Variants in WDR82 observed in about 807,000 individuals in gnomAD.
WDR82 encodes the protein WD repeat-containing protein 82.
In WDR82, 8 loss-of-function variants were observed where a neutral mutation model predicts 36.1. That is an observed-to-expected ratio of 0.22 (90% CI 0.13 to 0.40). WDR82 has a LOEUF of 0.40. Ranked by LOEUF, WDR82 falls within the 10% of genes least tolerant of loss-of-function variation. WDR82 has a pLI of 1.00. For synonymous variants in WDR82, 129 were observed against 137.8 expected (o/e 0.94, Z 0.45); for missense variants, 185 against 400.5 (o/e 0.46, Z 4.59).
At chr3:52,274,758 CA>C in intron 1 of WDR82, among the ~76,000 whole-genome samples, 1 of 152,134 alleles carries the variant, frequency 6.6e-6, no homozygotes, top group Admixed American at 6.5e-5. Flanking sequence ...CAAAAATTAG[CA>C]GGCACACTGA....
At chr3:52,274,228 C>A (rs1700180337) in intron 1 of WDR82, among the ~76,000 whole-genome samples, 1 of 152,140 alleles carries the variant, frequency 6.6e-6, no homozygotes, top group African/African-American at 2.4e-5. Context: ...TTGCTTTAGC[C>A]ATTTTCAAAC....
intron 1 of WDR82, among the ~76,000 whole-genome samples, chr3:52,274,832 C>T (rs1559456766): frequency 2.0e-5 from 3 of 150,946 alleles, no homozygotes; most frequent in South Asian, 4.2e-4. Flanking sequence ...AATCCAGCAG[C>T]GAGGTTGCAG....
At chr3:52,259,169 C>A (rs914473139) in intron 7 of WDR82, 28 bp downstream of exon 7, 22 of 1,594,616 alleles carry the variant, frequency 1.4e-5, no homozygotes, top group Non-Finnish European at 1.9e-5. Flanking sequence ...AGAGAAATAA[C>A]CCCCACAGGG....
chr3:52,257,963 A>G (rs1255311129), intron 8 of WDR82, among the ~76,000 whole-genome samples: 3 of 152,076 alleles, frequency 2.0e-5, no homozygotes, highest in South Asian at 2.1e-4. Flanking sequence ...CAAGGTGGCA[A>G]TGTGCTCCGG....
chr3:52,277,916 A>AAT (rs1221920068), intron 1 of WDR82, among the ~76,000 whole-genome samples: 1 of 152,234 alleles, frequency 6.6e-6, no homozygotes, highest in Non-Finnish European at 1.5e-5. Flanking sequence ...CCGGGCGTTT[A>AAT]AAGGTCAAGG....
At chr3:52,269,004 G>C (rs943392824) in intron 2 of WDR82, among the ~76,000 whole-genome samples, 1 of 152,000 alleles carries the variant, frequency 6.6e-6, no homozygotes, top group Non-Finnish European at 1.5e-5. Flanking sequence ...TTGTAGAGAC[G>C]GGGTTTTCCC....
chr3:52,259,766 A>G lies in WDR82; in HGVS notation c.650T>C (p.Phe217Ser). Residue 217 changes from phenylalanine (F) to serine (S), a missense_variant, in exon 6 of 9, where the codon TTC becomes TCC. Around this residue, in one of 3 missense-constraint regions of WDR82, gnomAD observed 110 missense variants for 212.6 expected, o/e 0.52. Transcript: ENST00000296490. ...KLILISTNGS[F>S]IRLIDAFKGV... is the part of the protein sequence containing the mutation. ...TTTGAATGCATCAATCAGACGAATG[A>G]AGCTGCCGTTGGTGGAAATGAGGAT... 1 of 1,614,100 alleles carries G rather than the reference A, an allele frequency of 6.2e-7. No individual in the cohort carries two copies. The highest frequency in any genetic ancestry group is 8.5e-7 in the Non-Finnish European group (1 of 1,179,984).
intron 1 of WDR82, 56 bp from the exon 2 acceptor site, chr3:52,270,865 G>C: frequency 3.7e-6 from 5 of 1,354,380 alleles, no homozygotes; most frequent in Non-Finnish European, 5.2e-6. Context: ...CAAAATCTGG[G>C]ATCTCCACAT....
chr3:52,257,633 C>T (rs1478871486), intron 8 of WDR82, 114 bp from the exon 9 acceptor site: 6 of 1,294,828 alleles, frequency 4.6e-6, no homozygotes, highest in African/African-American at 1.5e-5. Context: ...CTCTGGTAGC[C>T]CTCTCTCCTA....
At position 52,278,267 on chromosome 3, in the gene WDR82, T is replaced by C; in HGVS notation, c.95A>G (p.Asn32Ser). 1 of 1,611,626 alleles carries C rather than the reference T, an allele frequency of 6.2e-7. No homozygotes were observed. The highest frequency in any genetic ancestry group is 8.5e-7 in the Non-Finnish European group (1 of 1,179,086). The stretch of plus-strand genomic sequence containing the variant: ...GCTACTCGAGATGACCGTCTCGCCG[T>C]TGGGGCTGAAATCGAAGCAGTTAAT... ...DKINCFDFSP[N>S]GETVISSSDD... Residue 32 changes from asparagine (N) to serine (S), a missense_variant, in exon 1 of 9, where the codon AAC (asparagine) becomes AGC (serine). Coordinates refer to ENST00000296490, the MANE Select transcript of WDR82 (RefSeq NM_025222.4).
chr3:52,269,097 G>A (rs1198501158), intron 2 of WDR82, among the ~76,000 whole-genome samples: 1 of 152,196 alleles, frequency 6.6e-6, no homozygotes, highest in Non-Finnish European at 1.5e-5. Flanking sequence ...TTACAGGCAT[G>A]AGCCACTATG....
chr3:52,269,416 A>G (rs1289602448), intron 2 of WDR82, among the ~76,000 whole-genome samples: 1 of 152,200 alleles, frequency 6.6e-6, no homozygotes. Context: ...CTGAGATTGC[A>G]GTGAGCCGAG....
chr3:52,278,251 G>A lies in WDR82; in HGVS notation c.111C>T (p.Ile37=). ...FDFSPNGETV[I]SSSDDDSIVL... The stretch of plus-strand genomic sequence containing the variant: ...CGATGGAGTCGTCGTCGCTACTCGA[G>A]ATGACCGTCTCGCCGTTGGGGCTGA... Residue 37 remains isoleucine (I), a synonymous_variant, in exon 1 of 9, where the codon ATC becomes ATT. Coordinates refer to ENST00000296490, the MANE Select transcript of WDR82 (RefSeq NM_025222.4). 1 of 1,610,856 alleles carries A rather than the reference G, an allele frequency of 6.2e-7. No homozygotes were observed. Among genetic ancestry groups the A allele is most frequent in the Non-Finnish European group, 8.5e-7 (1 of 1,178,736 alleles).
At chr3:52,277,593 G>A (rs1256497821) in intron 1 of WDR82, among the ~76,000 whole-genome samples, 1 of 152,216 alleles carries the variant, frequency 6.6e-6, no homozygotes, top group Non-Finnish European at 1.5e-5. Context: ...GTCTGAATGA[G>A]TAAGAGAAAG....
chr3:52,276,356 G>T (rs978893259), intron 1 of WDR82, among the ~76,000 whole-genome samples: 1 of 150,972 alleles, frequency 6.6e-6, no homozygotes. Context: ...GCTTGAACCC[G>T]GGAGGCAGAG....
chr3:52,270,111 T>A (rs556177738), intron 2 of WDR82, among the ~76,000 whole-genome samples: 30 of 152,326 alleles, frequency 2.0e-4, no homozygotes, highest in African/African-American at 7.0e-4. Flanking sequence ...TTCTTTCCTT[T>A]TATTTGTTCT....
At chr3:52,268,040 G>A (rs948530872) in intron 2 of WDR82, 1 of 224,846 alleles carries the variant, frequency 4.4e-6, no homozygotes, top group South Asian at 5.3e-5. Context: ...ACTTGGGAGG[G>A]GGAATAGGGG....
chr3:52,259,040 C>G (rs2107330374), intron 7 of WDR82, among the ~76,000 whole-genome samples, 157 bp downstream of exon 7: 1 of 152,302 alleles, frequency 6.6e-6, no homozygotes, highest in South Asian at 2.1e-4. Context: ...TTGGTCCAGT[C>G]AGGGCAGTTA....
At chr3:52,262,238 G>C (rs1199999551) in intron 3 of WDR82, among the ~76,000 whole-genome samples, 1 of 152,226 alleles carries the variant, frequency 6.6e-6, no homozygotes, top group Non-Finnish European at 1.5e-5. Flanking sequence ...TCAGCAGTTG[G>C]TAGGGGCTGA....
Sources: allele counts gnomAD v4.1 joint callset (sites outside exome capture counted in the v4.1 genomes callset), GRCh38; gene constraint gnomAD v4.1.1; regional missense constraint gnomAD v4.1.1; transcripts MANE v1.5; gene names NCBI Gene and HGNC (gene_info 2026-07-23, HGNC 2026-07-21).